The following ADAM7 variants were observed in gnomAD, a reference collection of about 807,000 sequenced individuals.
ADAM7 encodes disintegrin and metalloproteinase domain-containing protein 7.
In ADAM7, 97 loss-of-function variants were observed where a neutral mutation model predicts 102.9. The ratio of observed to expected loss-of-function variants is 0.94; its 90% confidence interval spans 0.80 to 1.12. The LOEUF (loss-of-function observed/expected upper bound fraction) is 1.12, where lower values mean the gene tolerates loss of function less well. Among genes scored for constraint, ADAM7 ranks in the 50% most tolerant of loss-of-function variants. The probability of loss-of-function intolerance (pLI) is 0.00; values close to 1 mark genes in which losing one functional copy is unlikely to be tolerated. For synonymous variants in ADAM7, 334 were observed against 304.4 expected (o/e 1.10, Z -1.01); for missense variants, 991 against 908.7 (o/e 1.09, Z -1.16).
At chr8:24,457,469 T>C (rs1819078407) in intron 3 of ADAM7, among the ~76,000 whole-genome samples, 1 of 152,008 alleles carries the variant, frequency 6.6e-6, no homozygotes, top group Admixed American at 6.6e-5. Context: ...AGAGATGGGG[T>C]TTCACCGTGT....
Position 24,482,123 on chromosome 8 carries a change from T to G in ADAM7, c.706-19T>G. The G allele has an allele frequency of 1.3e-6, 2 of 1,545,690 alleles. No homozygotes were observed. Among genetic ancestry groups the G allele is most frequent in the Admixed American group, 2.2e-5 (1 of 44,950 alleles). ...TCCAGCAACTTGACTTTGTGAAAAATGATTTCTTCTTTGAACAGATTTATA... is the reference window on the plus strand; with the variant it reads ...TCCAGCAACTTGACTTTGTGAAAAAGGATTTCTTCTTTGAACAGATTTATA... On this transcript the variant is annotated intron_variant, in intron 8 of 21. Transcript: ENST00000175238.
At chr8:24,461,252 A>G (rs1819232180) in intron 3 of ADAM7, among the ~76,000 whole-genome samples, 1 of 152,036 alleles carries the variant, frequency 6.6e-6, no homozygotes, top group Non-Finnish European at 1.5e-5. Flanking sequence ...TCAGCCTCCC[A>G]AAGTGTTCGG....
At chr8:24,504,361 C>G (rs4872241) in intron 20 of ADAM7, among the ~76,000 whole-genome samples, 1 of 151,852 alleles carries the variant, frequency 6.6e-6, no homozygotes, top group African/African-American at 2.4e-5. Flanking sequence ...TAGTGATACC[C>G]TGTCTCAAAA....
chr8:24,506,116 G>C, intron 20 of ADAM7: 1 of 1,550,018 alleles, frequency 6.5e-7, no homozygotes, highest in Non-Finnish European at 8.7e-7. Flanking sequence ...TCCTTGGAAA[G>C]CCTGCCCACT....
Position 24,507,363 on chromosome 8 carries a change from G to C in ADAM7, c.2209-117G>C, listed in dbSNP as rs573967226. 5.9e-5 allele frequency: 43 copies of C among 725,748 alleles called. No homozygotes were observed. In the African/African-American group the frequency reaches 7.0e-4, roughly 12 times the overall value. The allele number at this position is 725,748 out of a possible 1,614,324, so 45.0% of individuals were successfully genotyped here. A position where few individuals can be genotyped will look rare whatever the true frequency, so the allele number is the denominator to read the frequency against. On this transcript the variant is annotated intron_variant, in intron 20 of 21. Transcript: ENST00000175238. ...TTGGATTTTTCATGGAGCAAGCAGA[G>C]GTGGCCTGCGTGTGTATGTGCTCAT...
intron 12 of ADAM7, 117 bp from the exon 13 acceptor site, chr8:24,490,682 C>A (rs1475480342): frequency 1.0e-5 from 10 of 971,422 alleles, no homozygotes; most frequent in African/African-American, 3.3e-5. Context: ...CCACAGCCAA[C>A]AATCATGCAT....
At chr8:24,482,679 G>C (rs966329071) in intron 9 of ADAM7, among the ~76,000 whole-genome samples, 2 of 152,088 alleles carry the variant, frequency 1.3e-5, no homozygotes, top group African/African-American at 4.8e-5. Context: ...AATCCAGGAG[G>C]TTAAGGATAA....
intron 2 of ADAM7, among the ~76,000 whole-genome samples, chr8:24,445,098 A>G (rs1225925702): frequency 6.6e-6 from 1 of 152,210 alleles, no homozygotes; most frequent in Non-Finnish European, 1.5e-5. Flanking sequence ...ATTTGTTAAT[A>G]TAAAATCCAT....
chr8:24,483,475 CTAT>C (rs1820030388), intron 9 of ADAM7, among the ~76,000 whole-genome samples: 1 of 152,166 alleles, frequency 6.6e-6, no homozygotes, highest in African/African-American at 2.4e-5. Context: ...TGCTAATCTT[CTAT>C]TATTATTTAG....
At chr8:24,477,311 T>C (rs1819798819) in intron 8 of ADAM7, among the ~76,000 whole-genome samples, 1 of 152,168 alleles carries the variant, frequency 6.6e-6, no homozygotes, top group South Asian at 2.1e-4. Context: ...CACACTTCAG[T>C]GGAAATTATG....
At chr8:24,455,349 C>T (rs374262511) in intron 3 of ADAM7, among the ~76,000 whole-genome samples, 7 of 152,152 alleles carry the variant, frequency 4.6e-5, no homozygotes, top group Non-Finnish European at 5.9e-5. Flanking sequence ...ATATTACAGA[C>T]ATCAGTTTAC....
intron 3 of ADAM7, among the ~76,000 whole-genome samples, chr8:24,448,445 T>C (rs888327234): frequency 2.6e-5 from 4 of 152,154 alleles, no homozygotes; most frequent in Admixed American, 2.6e-4. Flanking sequence ...TCAACATCTG[T>C]AATAGGCAAC....
At chr8:24,492,433 T>C in intron 14 of ADAM7, 62 bp from the exon 15 acceptor site, 1 of 1,166,220 alleles carries the variant, frequency 8.6e-7, no homozygotes, top group Non-Finnish European at 1.2e-6. Flanking sequence ...AAAAATAAGG[T>C]CTTTTATGAT....
intron 2 of ADAM7, among the ~76,000 whole-genome samples, chr8:24,446,950 T>C (rs1043577142): frequency 6.7e-6 from 1 of 150,316 alleles, no homozygotes; most frequent in African/African-American, 2.4e-5. Flanking sequence ...ATATTTATAT[T>C]TTATTCTAAT....
chr8:24,442,634 G>A (rs1818414085), intron 2 of ADAM7, 58 bp downstream of exon 2: 1 of 1,359,276 alleles, frequency 7.4e-7, no homozygotes, highest in Non-Finnish European at 1.1e-6. Context: ...GTAGACAGTT[G>A]TCTCTAGCTC....
chr8:24,494,109 C>T (rs1820474582), intron 16 of ADAM7, among the ~76,000 whole-genome samples: 2 of 152,250 alleles, frequency 1.3e-5, no homozygotes, highest in Middle Eastern at 3.4e-3. Flanking sequence ...TATGTCTTCC[C>T]TTCTCTCTCT....
intron 17 of ADAM7, among the ~76,000 whole-genome samples, chr8:24,499,797 TACAC>T (rs35010933): frequency 0.01 from 1,526 of 148,234 alleles, 17 homozygotes; most frequent in African/African-American, 0.028. Context: ...TATATAGTAA[TACAC>T]ACACACACAC....
chr8:24,508,717 T>A lies in ADAM7; in HGVS notation c.*171T>A. 7.0e-7 allele frequency: 1 copy of A among 1,434,912 alleles called. No individual in the cohort carries two copies. The highest frequency in any genetic ancestry group is 9.2e-7 in the Non-Finnish European group (1 of 1,091,026). The allele number at this position is 1,434,912 out of a possible 1,614,324, so 88.9% of individuals were successfully genotyped here. ...AGAAACAACTTATTTCTGTTAATAT[T>A]TACCGGTAGAATTCACACCCTCTAT... On this transcript the variant is annotated 3_prime_UTR_variant, in exon 22 of 22. Transcript: ENST00000175238.
intron 2 of ADAM7, among the ~76,000 whole-genome samples, chr8:24,446,886 TATAA>T (rs1457664076): frequency 6.7e-6 from 1 of 148,920 alleles, no homozygotes; most frequent in Non-Finnish European, 1.5e-5. Context: ...TATGTTATAA[TATAA>T]ATAGTTGTAA....
Sources: allele counts gnomAD v4.1 joint callset (sites outside exome capture counted in the v4.1 genomes callset), GRCh38; gene constraint gnomAD v4.1.1; transcripts MANE v1.5; gene names NCBI Gene and HGNC (gene_info 2026-07-23, HGNC 2026-07-21).